SLC14A2: variants seen among roughly 807,000 people sequenced by gnomAD.
SLC14A2 encodes urea transporter 2.
Under a neutral mutation model 104.6 loss-of-function variants are expected in SLC14A2, and 91 were observed. The ratio of observed to expected loss-of-function variants is 0.87; its 90% CI spans 0.73 to 1.04. SLC14A2 has a LOEUF of 1.04. Ranked by LOEUF, SLC14A2 falls within the 50% of genes least tolerant of loss-of-function variation. The pLI is 0.00. For missense variants in SLC14A2, 1,189 were observed against 1,156.0 expected (o/e 1.03, Z -0.41); for synonymous variants, 476 against 466.4 (o/e 1.02, Z -0.27).
At position 45,285,054 on chromosome 18, in the gene SLC14A2, G is replaced by T. The variant is rs1038877359; in HGVS notation, c.-125+71863G>T. Among the ~76,000 whole-genome samples, 7 of 152,080 alleles carry T rather than the reference G, an allele frequency of 4.6e-5. No homozygotes were observed. The South Asian group carries it at 8.3e-4, about 18-fold the overall frequency. ...ACAAAAAAAAAAAATTGCAAAATTA[G>T]TATAGAGATTTCCCATAGTCATCTG... On this transcript the variant is annotated intron_variant, in intron 1 of 20. Transcript: ENST00000586448.
At chr18:45,374,658 G>A (rs1259167359) in intron 1 of SLC14A2, among the ~76,000 whole-genome samples, 3 of 151,744 alleles carry the variant, frequency 2.0e-5, no homozygotes, top group Non-Finnish European at 2.9e-5. Context: ...CAGACTCCCA[G>A]CCTCAGCTGC....
chr18:45,325,535 G>A (rs571169641), intron 1 of SLC14A2, among the ~76,000 whole-genome samples: 28 of 152,306 alleles, frequency 1.8e-4, no homozygotes, highest in Middle Eastern at 3.4e-3. Context: ...TAATCTAAGA[G>A]GGTTTGGTTA....
rs777473950 is a variant in SLC14A2 at position 45,641,293 on chromosome 18, G to A, written c.1076G>A (p.Gly359Asp). The A allele has an allele frequency of 5.6e-6, 9 of 1,614,084 alleles. No homozygotes were observed. The African/African-American group carries it at 1.2e-4, about 22-fold the overall frequency. Residue 359 changes from glycine (G) to aspartate (D), a missense_variant, in exon 8 of 20, where the codon GGC becomes GAC. Coordinates refer to ENST00000255226, the MANE Select transcript of SLC14A2 (RefSeq NM_007163.4). The part of the protein sequence containing the change: ...NCVLSCIAIG[G>D]MFYALTWQTH... ...GTCCTCTCCTGCATCGCCATCGGAGGCATGTTCTATGCCCTCACCTGGCAG... is the reference window on the plus strand; with the variant it reads ...GTCCTCTCCTGCATCGCCATCGGAGACATGTTCTATGCCCTCACCTGGCAG...
chr18:45,518,153 C>G (rs2043468583), intron 2 of SLC14A2, among the ~76,000 whole-genome samples: 1 of 152,178 alleles, frequency 6.6e-6, no homozygotes, highest in South Asian at 2.1e-4. Context: ...TGTTACCTAA[C>G]AAAGCCTACA....
At chr18:45,385,586 A>C (rs2085886743) in intron 1 of SLC14A2, among the ~76,000 whole-genome samples, 1 of 152,216 alleles carries the variant, frequency 6.6e-6, no homozygotes, top group Non-Finnish European at 1.5e-5. Context: ...TCAGGTGCTG[A>C]ATATTTTATA....
intron 1 of SLC14A2, among the ~76,000 whole-genome samples, chr18:45,283,869 C>A (rs2084787724): frequency 6.6e-6 from 1 of 152,116 alleles, no homozygotes; most frequent in Admixed American, 6.5e-5. Flanking sequence ...TGGTAGGAAG[C>A]CACTAGCCCT....
At chr18:45,485,669 T>C (rs908667693) in intron 2 of SLC14A2, among the ~76,000 whole-genome samples, 1 of 152,182 alleles carries the variant, frequency 6.6e-6, no homozygotes, top group South Asian at 2.1e-4. Context: ...CTTGGTTTCT[T>C]ATAGTTTTTT....
intron 1 of SLC14A2, among the ~76,000 whole-genome samples, chr18:45,419,305 T>C (rs1249515371): frequency 6.6e-6 from 1 of 152,144 alleles, no homozygotes; most frequent in Non-Finnish European, 1.5e-5. Flanking sequence ...ACAGGCCCCT[T>C]TTATTCTGCT....
At chr18:45,175,637 A>T in the SLC14A2 span, among the ~76,000 whole-genome samples, 1 of 152,134 alleles carries the variant, frequency 6.6e-6, no homozygotes, top group African/African-American at 2.4e-5. Context: ...AGGCAGAAAA[A>T]AAAATAAGAC....
At chr18:45,670,723 C>A (rs547098708) in intron 16 of SLC14A2, among the ~76,000 whole-genome samples, 4 of 152,292 alleles carry the variant, frequency 2.6e-5, no homozygotes, top group African/African-American at 9.6e-5. Context: ...TGCAGTGACG[C>A]AATCACAGCT....
At chr18:45,655,454 A>C (rs996937670) in intron 10 of SLC14A2, among the ~76,000 whole-genome samples, 3 of 152,214 alleles carry the variant, frequency 2.0e-5, no homozygotes, top group African/African-American at 7.2e-5. Context: ...CTTCTCTCAA[A>C]TGTATACAAT....
intron 1 of SLC14A2, among the ~76,000 whole-genome samples, chr18:45,342,817 C>T (rs1238974563): frequency 1.3e-5 from 2 of 152,144 alleles, no homozygotes; most frequent in East Asian, 1.9e-4. Flanking sequence ...AATCTAGTGA[C>T]TGGTGATTCT....
chr18:45,563,334 G>C (rs566177158), intron 2 of SLC14A2, among the ~76,000 whole-genome samples: 2 of 152,320 alleles, frequency 1.3e-5, no homozygotes, highest in South Asian at 2.1e-4. Context: ...TGTAGGAACT[G>C]GGGGGAACAT....
chr18:45,628,123 T>C (rs893834995), intron 4 of SLC14A2, among the ~76,000 whole-genome samples: 1 of 151,988 alleles, frequency 6.6e-6, no homozygotes, highest in Non-Finnish European at 1.5e-5. Flanking sequence ...ACTTTCCTGA[T>C]GGTCAGAATC....
intron 2 of SLC14A2, among the ~76,000 whole-genome samples, chr18:45,606,768 A>C (rs1292921357): frequency 6.9e-6 from 1 of 143,996 alleles, no homozygotes; most frequent in African/African-American, 2.5e-5. Flanking sequence ...ACAAAAAAAA[A>C]AAACACTGGC....
chr18:45,449,729 G>T (rs1343176407), intron 1 of SLC14A2, among the ~76,000 whole-genome samples: 1 of 152,210 alleles, frequency 6.6e-6, no homozygotes, highest in Non-Finnish European at 1.5e-5. Context: ...TAAAGGGGCT[G>T]AGTGGCATTC....
chr18:45,266,574 TA>T (rs796119412), intron 1 of SLC14A2, among the ~76,000 whole-genome samples: 20 of 152,098 alleles, frequency 1.3e-4, no homozygotes, highest in South Asian at 8.4e-4. Context: ...TAAACTCCCT[TA>T]AAAAAAATCA....
At chr18:45,632,694 T>G (rs1905674) in intron 5 of SLC14A2, among the ~76,000 whole-genome samples, 73,868 of 152,020 alleles carry the variant, frequency 0.49, 18,293 homozygotes, top group African/African-American at 0.58. Context: ...TTTTGTTTGT[T>G]TGACACAGAG....
At chr18:45,187,547 G>T in the SLC14A2 span, among the ~76,000 whole-genome samples, 1 of 152,138 alleles carries the variant, frequency 6.6e-6, no homozygotes, top group Admixed American at 6.6e-5. Context: ...TAGAGGCTGA[G>T]AAGGAGATAA....
Sources: gnomAD v4.1 joint callset for allele counts (sites outside exome capture counted in the v4.1 genomes callset) on GRCh38, gnomAD v4.1.1 for gene constraint, MANE v1.5 for transcripts, NCBI Gene and HGNC (gene_info 2026-07-23, HGNC 2026-07-21) for gene names.